SEC31A: variants seen among roughly 807,000 people sequenced by gnomAD.
The protein encoded by SEC31A is SEC31 homolog A, COPII component, also known as protein transport protein Sec31A.
Under a neutral mutation model 151.0 loss-of-function variants are expected in SEC31A, and 70 were observed. The observed-to-expected ratio is 0.46, with a 90% CI of 0.38 to 0.57. The LOEUF (loss-of-function observed/expected upper bound fraction) is 0.57, where lower values mean the gene tolerates loss of function less well. SEC31A is among the 20% of genes least tolerant of loss of function. The pLI, the probability that SEC31A is intolerant of heterozygous loss-of-function variation, is 0.00. For missense variants in SEC31A, 1,330 were observed against 1,471.2 expected (o/e 0.90, Z 1.57); for synonymous variants, 475 against 505.9 (o/e 0.94, Z 0.82).
At chr4:82,854,233 C>T (rs1732096610) in intron 17 of SEC31A, among the ~76,000 whole-genome samples, 1 of 152,062 alleles carries the variant, frequency 6.6e-6, no homozygotes, top group South Asian at 2.1e-4. Context: ...CATGGTGGTG[C>T]ATGCCTATAA....
In SEC31A at chr4:82,848,799, C is replaced by G; in HGVS notation, c.2502+5G>C. 6.2e-7 allele frequency: 1 copy of G among 1,607,764 alleles called. No individual in the cohort carries two copies. The highest frequency in any genetic ancestry group is 1.1e-5 in the South Asian group (1 of 89,762). On this transcript the variant is annotated splice_donor_5th_base_variant and intron_variant, in intron 20 of 26. Coordinates refer to ENST00000395310, the MANE Select transcript of SEC31A (RefSeq NM_001077207.4). ...TTCCTACTTCATCTGGACCATATCA[C>G]TCACATGGGGATAATATTGTTGAGT...
rs1021023380 is a variant in SEC31A at position 82,845,742 on chromosome 4, T to C, written c.2503-1233A>G. On this transcript the variant is annotated intron_variant, in intron 20 of 26. Transcript: ENST00000395310. ...TACAAACACAGTGGTATAAGCTCTC[T>C]TTTCTGGATTTCATTACAGCCACAA... Among the ~76,000 whole-genome samples, 6 of 152,154 alleles carry C rather than the reference T, an allele frequency of 3.9e-5. 1 individual carries two copies. The highest frequency in any genetic ancestry group is 2.0e-4 in the Admixed American group (3 of 15,286).
At chr4:82,825,672 G>C (rs1210824595) in intron 24 of SEC31A, among the ~76,000 whole-genome samples, 1 of 152,144 alleles carries the variant, frequency 6.6e-6, no homozygotes, top group Non-Finnish European at 1.5e-5. Flanking sequence ...CTTATACTGA[G>C]AACAATGGGA....
rs759863274 is a variant in SEC31A, at chr4:82,827,659, C to T, written c.3028-27G>A. 3.1e-6 allele frequency: 5 copies of T among 1,603,804 alleles called. No individual in the cohort carries two copies. The Admixed American group carries it at 5.1e-5, about 16-fold the overall frequency. ...TGTTAAAAGATGGAAATAAAAGACA[C>T]CAGGAGTAAGAATAAAAACGATAGC... On this transcript the variant is annotated intron_variant, in intron 23 of 26. Transcript: ENST00000395310.
At chr4:82,880,443 G>T (rs781721214) in intron 3 of SEC31A, among the ~76,000 whole-genome samples, 2 of 151,800 alleles carry the variant, frequency 1.3e-5, no homozygotes, top group African/African-American at 2.4e-5. Flanking sequence ...CACAAAATTA[G>T]CTGGGCAAGG....
At chr4:82,858,517 C>G (rs575546254) in intron 14 of SEC31A, among the ~76,000 whole-genome samples, 4 of 123,436 alleles carry the variant, frequency 3.2e-5, no homozygotes, top group African/African-American at 8.8e-5. Context: ...GCACTCCAGC[C>G]TGGCGACAGA....
intron 16 of SEC31A, among the ~76,000 whole-genome samples, chr4:82,856,237 G>A (rs868075970): frequency 1.3e-5 from 2 of 151,882 alleles, no homozygotes; most frequent in African/African-American, 4.8e-5. Context: ...CGCATCCTCT[G>A]CCTCCAAGGT....
intron 1 of SEC31A, among the ~76,000 whole-genome samples, chr4:82,886,701 A>G (rs1740797466): frequency 6.6e-6 from 1 of 152,204 alleles, no homozygotes; most frequent in Admixed American, 6.5e-5. Flanking sequence ...TGCCCTGATG[A>G]TTCAATCCAC....
intron 22 of SEC31A, among the ~76,000 whole-genome samples, chr4:82,834,473 A>G (rs1176949602): frequency 6.6e-6 from 1 of 152,208 alleles, no homozygotes; most frequent in Non-Finnish European, 1.5e-5. Flanking sequence ...TGGTAAAATG[A>G]CACCAAATCA....
chr4:82,826,931 T>G (rs1165315584), intron 24 of SEC31A, among the ~76,000 whole-genome samples: 2 of 152,256 alleles, frequency 1.3e-5, no homozygotes, highest in African/African-American at 4.8e-5. Context: ...TGTTTGTGTG[T>G]GAAAAGCAAG....
chr4:82,872,194 G>A, intron 6 of SEC31A, 108 bp from the exon 7 acceptor site: 2 of 689,606 alleles, frequency 2.9e-6, no homozygotes, highest in South Asian at 1.9e-5. Context: ...AACATCAGCT[G>A]TGGCTTATTT....
At chr4:82,874,988 A>G (rs1407305961) in intron 5 of SEC31A, among the ~76,000 whole-genome samples, 1 of 152,214 alleles carries the variant, frequency 6.6e-6, no homozygotes, top group African/African-American at 2.4e-5. Flanking sequence ...ATCTCATTCA[A>G]CAAGAATTTT....
chr4:82,891,177 A>T, upstream of SEC31A: 1 of 1,535,154 alleles, frequency 6.5e-7, no homozygotes, highest in Non-Finnish European at 8.7e-7. Flanking sequence ...CTCCCCGGCC[A>T]GGGCCACCTC....
chr4:82,861,319 T>C (rs774074260), intron 14 of SEC31A, among the ~76,000 whole-genome samples: 1 of 152,196 alleles, frequency 6.6e-6, no homozygotes, highest in African/African-American at 2.4e-5. Flanking sequence ...TGCAATGCAA[T>C]GCAGTGAGGA....
At chr4:82,858,348 A>G (rs1399669195) in intron 14 of SEC31A, among the ~76,000 whole-genome samples, 3 of 151,694 alleles carry the variant, frequency 2.0e-5, no homozygotes, top group Non-Finnish European at 4.4e-5. Flanking sequence ...GATCGAGACC[A>G]TCCTGGCCAA....
intron 20 of SEC31A, among the ~76,000 whole-genome samples, chr4:82,846,338 C>G (rs966132428): frequency 1.4e-5 from 2 of 146,472 alleles, no homozygotes; most frequent in African/African-American, 5.1e-5. Flanking sequence ...TCCTTTTTGT[C>G]AAGTAAATCT....
At chr4:82,874,427 T>C (rs1174660584) in intron 6 of SEC31A, among the ~76,000 whole-genome samples, 184 bp downstream of exon 6, 1 of 152,230 alleles carries the variant, frequency 6.6e-6, no homozygotes, top group East Asian at 1.9e-4. Flanking sequence ...AACATATTTA[T>C]TGGGAATTTT....
At chr4:82,890,341 C>G (rs994058223) in intron 1 of SEC31A, among the ~76,000 whole-genome samples, 8 of 151,884 alleles carry the variant, frequency 5.3e-5, no homozygotes, top group Admixed American at 5.2e-4. Context: ...CAAAGACAAC[C>G]AAATTTCAGT....
At chr4:82,857,196 A>G in intron 15 of SEC31A, 66 bp from the exon 16 acceptor site, 1 of 1,343,406 alleles carries the variant, frequency 7.4e-7, no homozygotes, top group Non-Finnish European at 1.0e-6. Context: ...ACAACAAAGT[A>G]CTACATCTAT....
Sources: allele counts gnomAD v4.1 joint callset (sites outside exome capture counted in the v4.1 genomes callset), GRCh38; gene constraint gnomAD v4.1.1; transcripts MANE v1.5; gene names NCBI Gene and HGNC (gene_info 2026-07-23, HGNC 2026-07-21).